The following JAG1 variants were observed in gnomAD, a reference collection of about 807,000 sequenced individuals.
JAG1 encodes the protein jagged canonical Notch ligand 1, also known as protein jagged-1.
JAG1 carries 23 observed loss-of-function variants against 148.7 expected under a neutral mutation model. The observed-to-expected ratio is 0.15, with a 90% confidence interval of 0.11 to 0.22. JAG1 has a LOEUF of 0.22. Ranked by LOEUF, JAG1 falls within the 10% of genes least tolerant of loss-of-function variation. The pLI is 1.00. For missense variants in JAG1, 1,054 were observed against 1,611.2 expected, an observed-to-expected ratio of 0.65 and a Z score of 5.92; for synonymous variants, 572 against 598.3, an observed-to-expected ratio of 0.96 and a Z score of 0.64.
intron 2 of JAG1, among the ~76,000 whole-genome samples, chr20:10,672,252 C>G (rs1357967257): frequency 6.6e-6 from 1 of 152,204 alleles, no homozygotes; most frequent in Non-Finnish European, 1.5e-5. Context: ...CCCTCCCGGC[C>G]GTTCACGGGA....
intron 20 of JAG1, 138 bp downstream of exon 20, chr20:10,643,640 T>C (rs746570060): frequency 8.0e-6 from 6 of 748,182 alleles, no homozygotes; most frequent in Non-Finnish European, 1.4e-5. Context: ...TAATCCCAGC[T>C]GGAGGAGAGA....
chr20:10,651,513 CCT>C, intron 8 of JAG1, 66 bp downstream of exon 8: 9 of 1,056,294 alleles, frequency 8.5e-6, no homozygotes, highest in Non-Finnish European at 1.3e-5. Context: ...AGCCTAGGTA[CCT>C]CTCCCCAGCG....
At position 10,673,500 on chromosome 20, in the gene JAG1, CGGACCGGCCGCGCGTCCGTG is replaced by C; in HGVS notation, c.11_30del (p.Pro4ArgfsTer62). 7.9e-7 allele frequency: 1 copy of C among 1,272,582 alleles called. No homozygotes were observed. Among genetic ancestry groups the C allele is most frequent in the Non-Finnish European group, 1.0e-6 (1 of 1,002,328 alleles). 78.8% of individuals were successfully genotyped at this position (1,272,582 alleles called of 1,614,324 possible). ...GCGAGCAGGAGGCTTAGGGGGCGCC[CGGACCGGCCGCGCGTCCGTG>C]GGGAACGCATCGCTGCGCCGCGCGC... is the stretch of plus-strand genomic sequence containing the variant. On this transcript the variant is annotated frameshift_variant, in exon 1 of 26. Transcript: ENST00000254958. LOFTEE classifies it high-confidence loss of function. The surrounding 1 kb of genome is among the most constrained non-coding windows in gnomAD (Gnocchi z 4.7).
At position 10,641,972 on chromosome 20, in the gene JAG1, T is replaced by G. The variant is rs2067275692; in HGVS notation, c.2573-80A>C. On this transcript the variant is annotated intron_variant, in intron 21 of 25. Coordinates refer to ENST00000254958, the MANE Select transcript of JAG1 (RefSeq NM_000214.3). ...CAATTCTTTGGTCCCTGTTATGAAA[T>G]GGTTATGCCTGTGCCCTTTGCCATG... The G allele has an allele frequency of 1.7e-5, 15 of 899,914 alleles. No individual in the cohort carries two copies. In the South Asian group the frequency reaches 1.8e-4, roughly 11 times the overall value. 55.7% of individuals were successfully genotyped at this position (899,914 alleles called of 1,614,324 possible). A position where few individuals can be genotyped will look rare whatever the true frequency, so the allele number is the denominator to read the frequency against.
intron 2 of JAG1, among the ~76,000 whole-genome samples, chr20:10,667,610 G>T (rs901702140): frequency 4.6e-5 from 7 of 152,136 alleles, no homozygotes; most frequent in Non-Finnish European, 1.0e-4. Context: ...TAGCATCTAG[G>T]CTAAGACTTC....
At chr20:10,651,525 G>A (rs142724179) in intron 8 of JAG1, 56 bp downstream of exon 8, 126 of 1,181,182 alleles carry the variant, frequency 1.1e-4, no homozygotes, top group East Asian at 9.7e-4. Context: ...TCTCCCCAGC[G>A]TGGTATCTTG....
chr20:10,641,416 G>T, intron 23 of JAG1, 44 bp downstream of exon 23: 2 of 1,550,862 alleles, frequency 1.3e-6, no homozygotes, highest in Non-Finnish European at 1.8e-6. Flanking sequence ...AAGCAAGCAA[G>T]CAGACATCCA....
chr20:10,652,919 C>T (rs1208174953), intron 5 of JAG1, among the ~76,000 whole-genome samples: 1 of 151,968 alleles, frequency 6.6e-6, no homozygotes, highest in African/African-American at 2.4e-5. Flanking sequence ...AACCCGTGCA[C>T]CTAGTTGCGA....
Position 10,644,803 on chromosome 20 carries a change from C to T in JAG1, c.2344+60G>A, listed in dbSNP as rs983327183. The T allele has an allele frequency of 2.5e-6, 3 of 1,206,024 alleles. No individual in the cohort carries two copies. In the African/African-American group the frequency reaches 4.5e-5, roughly 18 times the overall value. 74.7% of individuals were successfully genotyped at this position (1,206,024 alleles called of 1,614,324 possible). ...GCTTCTGGTTTCCATTGCAAGTCCCCAAGGGTGTCAGGATCTGCTCCGACA... is the reference window on the plus strand; with the variant it reads ...GCTTCTGGTTTCCATTGCAAGTCCCTAAGGGTGTCAGGATCTGCTCCGACA... On this transcript the variant is annotated intron_variant, in intron 18 of 25. Transcript: ENST00000254958.
At chr20:10,640,298 G>A (rs556377845) in intron 25 of JAG1, among the ~76,000 whole-genome samples, 24 of 152,316 alleles carry the variant, frequency 1.6e-4, no homozygotes, top group Admixed American at 7.2e-4. Flanking sequence ...CTAGAAATCC[G>A]ATTCAAATTA....
chr20:10,672,559 C>T (rs995092062), intron 2 of JAG1, 142 bp downstream of exon 2: 3 of 853,958 alleles, frequency 3.5e-6, no homozygotes, highest in Non-Finnish European at 5.6e-6. Context: ...CCGGCTCCCT[C>T]ACCCGCCACC....
chr20:10,641,393 C>T (rs2067270220), intron 23 of JAG1, 67 bp downstream of exon 23: 3 of 1,526,340 alleles, frequency 2.0e-6, no homozygotes, highest in Non-Finnish European at 2.7e-6. Flanking sequence ...TAGCTCATGG[C>T]ATTCCTCCTT....
intron 3 of JAG1, among the ~76,000 whole-genome samples, chr20:10,662,697 C>T (rs1568802821): frequency 6.6e-6 from 1 of 152,150 alleles, no homozygotes. Context: ...ATGACCCTGA[C>T]TGGCATCAGC....
Position 10,639,222 on chromosome 20 carries a change from GCAGGCTCCTGGGAGCCTGATCCGAGA to G in JAG1, c.*250_*275del. The G allele has an allele frequency of 2.1e-6, 1 of 486,070 alleles. No individual in the cohort carries two copies. The highest frequency in any genetic ancestry group is 3.8e-6 in the Non-Finnish European group (1 of 264,356). 30.1% of individuals were successfully genotyped at this position (486,070 alleles called of 1,614,324 possible). ...GGGAGCTCAAAGACCAGGGGGCTGGGCAGGCTCCTGGGAGCCTGATCCGAGACCGTGTCGGCTGCAAGGGGACACAC... is the reference window on the plus strand; with the variant it reads ...GGGAGCTCAAAGACCAGGGGGCTGGGCCGTGTCGGCTGCAAGGGGACACAC... On this transcript the variant is annotated 3_prime_UTR_variant, in exon 26 of 26. Coordinates refer to ENST00000254958, the MANE Select transcript of JAG1 (RefSeq NM_000214.3).
At chr20:10,662,126 C>T (rs1482756436) in intron 3 of JAG1, 2 of 152,240 alleles carry the variant, frequency 1.3e-5, no homozygotes, top group Admixed American at 6.5e-5. Context: ...ACCCATCTCC[C>T]TCTTCAGGGT....
chr20:10,646,382 T>C, intron 14 of JAG1: 1 of 430,608 alleles, frequency 2.3e-6, no homozygotes, highest in East Asian at 5.1e-5. Flanking sequence ...TTCCAGAATG[T>C]TCCAACATAG....
chr20:10,663,670 G>T (rs1002096232), intron 3 of JAG1, among the ~76,000 whole-genome samples: 3 of 152,196 alleles, frequency 2.0e-5, no homozygotes, highest in Non-Finnish European at 4.4e-5. Context: ...AGACTACAAG[G>T]TTTTAAAGTT....
intron 12 of JAG1, 145 bp from the exon 13 acceptor site, chr20:10,648,255 C>A: frequency 2.0e-6 from 2 of 979,932 alleles, no homozygotes; most frequent in Non-Finnish European, 3.2e-6. Flanking sequence ...CATCTCTATG[C>A]TGTAGGGACT....
rs570521234 is a variant in JAG1 at position 10,644,143 on chromosome 20, T to C, written c.2372+214A>G. Among the ~76,000 whole-genome samples the C allele has an allele frequency of 2.6e-5, 4 of 152,286 alleles. No homozygotes were observed. In the East Asian group the frequency reaches 7.7e-4, roughly 29 times the overall value. ...CACTGCTCTAAATGAGGACACAACC[T>C]GGCTAATTAAAGTGTGGTCCATGGG... is the stretch of plus-strand genomic sequence containing the variant. On this transcript the variant is annotated intron_variant, in intron 19 of 25. Coordinates refer to ENST00000254958, the MANE Select transcript of JAG1 (RefSeq NM_000214.3).
Sources: allele counts gnomAD v4.1 joint callset (sites outside exome capture counted in the v4.1 genomes callset), GRCh38; gene constraint gnomAD v4.1.1; non-coding constraint Gnocchi (gnomAD v3.1); transcripts MANE v1.5; gene names NCBI Gene and HGNC (gene_info 2026-07-23, HGNC 2026-07-21).